The following SIPA1L1 variants were observed in gnomAD, a reference collection of about 807,000 sequenced individuals.
SIPA1L1 encodes the protein signal-induced proliferation-associated 1-like protein 1.
SIPA1L1 carries 26 observed loss-of-function variants against 162.7 expected under a neutral mutation model. The observed-to-expected ratio is 0.16, with a 90% CI of 0.12 to 0.22. The LOEUF (loss-of-function observed/expected upper bound fraction) is 0.22. SIPA1L1 is among the 10% of genes least tolerant of loss of function. SIPA1L1 has a pLI of 1.00. For synonymous variants in SIPA1L1, 829 were observed against 837.4 expected (o/e 0.99, Z 0.17); for missense variants, 1,874 against 2,241.0 (o/e 0.84, Z 3.31).
Position 71,650,520 on chromosome 14 carries a change from C to A in SIPA1L1, c.1993+11C>A. ...AGCTTGATACCAAAAGTAAGAAATA[C>A]TTACACCCTCCTACTAGGCTTATTT... On this transcript the variant is annotated intron_variant, in intron 8 of 23. Coordinates refer to ENST00000381232, the MANE Select transcript of SIPA1L1 (RefSeq NM_001386936.1). The A allele has an allele frequency of 6.2e-7, 1 of 1,612,792 alleles. No homozygotes were observed. The highest frequency in any genetic ancestry group is 8.5e-7 in the Non-Finnish European group (1 of 1,178,970).
chr14:71,417,295 C>A (rs1361175584), intron 2 of SIPA1L1, among the ~76,000 whole-genome samples: 1 of 150,660 alleles, frequency 6.6e-6, no homozygotes, highest in Non-Finnish European at 1.5e-5. Context: ...CACGGTGAAA[C>A]CCCGTCTCTA....
chr14:71,357,068 G>T (rs1313090951), intron 2 of SIPA1L1, among the ~76,000 whole-genome samples: 3 of 152,086 alleles, frequency 2.0e-5, no homozygotes, highest in African/African-American at 7.2e-5. Context: ...AATTTTATGT[G>T]TTAGAGACAG....
At chr14:71,724,865 A>G (rs1224241031) in intron 19 of SIPA1L1, 30 bp downstream of exon 19, 21 of 1,597,158 alleles carry the variant, frequency 1.3e-5, no homozygotes, top group East Asian at 2.2e-5. Context: ...GTAGATGGCA[A>G]TTAGAAACAA....
Position 71,699,075 on chromosome 14 carries a change from A to G in SIPA1L1, c.3469A>G (p.Ser1157Gly), listed in dbSNP as rs777288377. 4 of 1,614,194 alleles carry G rather than the reference A, an allele frequency of 2.5e-6. No individual in the cohort carries two copies. The South Asian group carries it at 4.4e-5, about 18-fold the overall frequency. Reference sequence around the variant, plus strand: ...CTCTCCTAGCAACTTGTCTTCATCCAGTGATACTGGTTCTGTGGGGGGCAC... The same window carrying G: ...CTCTCCTAGCAACTTGTCTTCATCCGGTGATACTGGTTCTGTGGGGGGCAC... ...RNSPSNLSSSSDTGSVGGTYR... is the reference protein window; with the variant it reads ...RNSPSNLSSSGDTGSVGGTYR... Residue 1157 changes from serine to glycine, a missense_variant, in exon 14 of 24, where the codon AGT becomes GGT. Ser to Gly is a moderately conservative substitution (Grantham distance 56). Around this residue, in one of 5 missense-constraint regions of SIPA1L1, gnomAD observed 936 missense variants for 1,051.9 expected, o/e 0.89. Coordinates refer to ENST00000381232, the MANE Select transcript of SIPA1L1 (RefSeq NM_001386936.1).
At chr14:71,421,409 A>AAAAC (rs2043179148) in intron 2 of SIPA1L1, among the ~76,000 whole-genome samples, 1 of 152,016 alleles carries the variant, frequency 6.6e-6, no homozygotes, top group African/African-American at 2.4e-5. Context: ...CCTGGGCAAC[A>AAAAC]TAGTGAGACC....
At chr14:71,570,408 G>A (rs992110228) in intron 4 of SIPA1L1, among the ~76,000 whole-genome samples, 1 of 151,846 alleles carries the variant, frequency 6.6e-6, no homozygotes, top group Non-Finnish European at 1.5e-5. Flanking sequence ...AGGTAGCTGC[G>A]ACCACAGGTG....
intron 5 of SIPA1L1, among the ~76,000 whole-genome samples, chr14:71,615,476 A>G (rs2038729493): frequency 6.6e-6 from 1 of 152,244 alleles, no homozygotes; most frequent in East Asian, 1.9e-4. Context: ...ACACTCAGGC[A>G]AGTGATGATA....
chr14:71,731,219 C>G (rs766764176), intron 20 of SIPA1L1, among the ~76,000 whole-genome samples: 1 of 152,166 alleles, frequency 6.6e-6, no homozygotes, highest in Non-Finnish European at 1.5e-5. Flanking sequence ...TTTTTGAGCT[C>G]TCAGCCCACG....
At chr14:71,359,442 A>G (rs1047499530) in intron 2 of SIPA1L1, among the ~76,000 whole-genome samples, 5 of 152,162 alleles carry the variant, frequency 3.3e-5, no homozygotes, top group African/African-American at 7.2e-5. Flanking sequence ...TCCTCCATAT[A>G]ATTTGTCTAT....
chr14:71,401,257 A>G (rs1481681184), intron 2 of SIPA1L1, among the ~76,000 whole-genome samples: 1 of 152,178 alleles, frequency 6.6e-6, no homozygotes, highest in Non-Finnish European at 1.5e-5. Context: ...GTAGTTTCCA[A>G]GGGTGTTCTT....
intron 5 of SIPA1L1, among the ~76,000 whole-genome samples, chr14:71,613,742 A>T (rs374952027): frequency 6.6e-6 from 1 of 152,220 alleles, no homozygotes; most frequent in East Asian, 1.9e-4. Flanking sequence ...TGACTAGAAG[A>T]ACACTTTGTA....
chr14:71,696,875 G>C (rs377208859), intron 13 of SIPA1L1, among the ~76,000 whole-genome samples: 1 of 152,202 alleles, frequency 6.6e-6, no homozygotes, highest in African/African-American at 2.4e-5. Flanking sequence ...GTTGGCATCA[G>C]GCCTTTTTAT....
chr14:71,588,211 C>T lies in SIPA1L1; in HGVS notation c.339C>T (p.Ser113=). 1 of 1,614,170 alleles carries T rather than the reference C, an allele frequency of 6.2e-7. No homozygotes were observed. Among genetic ancestry groups the T allele is most frequent in the South Asian group, 1.1e-5 (1 of 91,082 alleles). Reference sequence around the variant, plus strand: ...GCCTTGATAGCCTGTCCTCCAAAAGCAGTCCTGTGAGTCAGGGAAGTTCTG... The same window carrying T: ...GCCTTGATAGCCTGTCCTCCAAAAGTAGTCCTGTGAGTCAGGGAAGTTCTG... ...SSCLDSLSSK[S]SPVSQGSSVS... Residue 113 remains serine (S), a synonymous_variant, in exon 5 of 24, where the codon AGC becomes AGT. Transcript: ENST00000381232. The surrounding 1 kb of genome is among the most constrained non-coding windows in gnomAD (Gnocchi z 4.3).
chr14:71,350,434 T>G (rs2036587605), intron 2 of SIPA1L1, among the ~76,000 whole-genome samples: 1 of 151,724 alleles, frequency 6.6e-6, no homozygotes, highest in Non-Finnish European at 1.5e-5. Context: ...AAGTGGGAGG[T>G]ATTGCCACTG....
chr14:71,332,755 C>A (rs187416528), intron 2 of SIPA1L1, among the ~76,000 whole-genome samples: 2 of 152,284 alleles, frequency 1.3e-5, no homozygotes, highest in East Asian at 3.9e-4. Context: ...TCATTCATTT[C>A]TTCATTCACT....
At chr14:71,350,252 C>T (rs2036569407) in intron 2 of SIPA1L1, among the ~76,000 whole-genome samples, 1 of 151,744 alleles carries the variant, frequency 6.6e-6, no homozygotes, top group African/African-American at 2.4e-5. Flanking sequence ...CACACACACA[C>T]ACACAATTAG....
In SIPA1L1 at chr14:71,511,646, C is replaced by T. The variant is rs1044573349; in HGVS notation, c.-464-1097C>T. Among the ~76,000 whole-genome samples, 6 of 152,110 alleles carry T rather than the reference C, an allele frequency of 3.9e-5. 1 individual carries two copies. Among genetic ancestry groups the T allele is most frequent in the Admixed American group, 6.6e-5 (1 of 15,266 alleles). On this transcript the variant is annotated intron_variant, in intron 2 of 23. Transcript: ENST00000381232. The stretch of plus-strand genomic sequence containing the variant: ...TCCTTGGTTCCTGACACAAGAGCTT[C>T]GAAGACCCTTGACCTCTCAGGAGTG...
intron 2 of SIPA1L1, among the ~76,000 whole-genome samples, chr14:71,349,330 C>T (rs1023583481): frequency 6.6e-6 from 1 of 152,110 alleles, no homozygotes; most frequent in Non-Finnish European, 1.5e-5. Flanking sequence ...GAATAAGGGT[C>T]TTATGATCTA....
chr14:71,682,441 G>A (rs1180452847), intron 12 of SIPA1L1, among the ~76,000 whole-genome samples: 1 of 152,208 alleles, frequency 6.6e-6, no homozygotes, highest in African/African-American at 2.4e-5. Context: ...GGAAGCCAGT[G>A]ATGGTTACCC....
Sources: gnomAD v4.1 joint callset for allele counts (sites outside exome capture counted in the v4.1 genomes callset) on GRCh38, gnomAD v4.1.1 for gene constraint, gnomAD v4.1.1 regional missense constraint, Gnocchi (gnomAD v3.1) non-coding constraint, MANE v1.5 for transcripts, NCBI Gene and HGNC (gene_info 2026-07-23, HGNC 2026-07-21) for gene names.